Variants in SPAG16 observed in about 807,000 individuals in gnomAD.
SPAG16 encodes sperm-associated antigen 16 protein.
A neutral mutation model predicts 80.4 loss-of-function variants in SPAG16; 86 were observed. The observed-to-expected ratio is 1.07, with a 90% CI of 0.90 to 1.28. The LOEUF (loss-of-function observed/expected upper bound fraction) is 1.28, where lower values mean the gene tolerates loss of function less well. Ranked by LOEUF, SPAG16 falls within the 50% of genes most tolerant of loss-of-function variation. SPAG16 has a pLI of 0.00. For missense variants in SPAG16, 870 were observed against 765.3 expected (o/e 1.14, Z -1.61); for synonymous variants, 294 against 265.9 (o/e 1.11, Z -1.03).
At chr2:214,319,225 A>ACACACACACACACACACACAC (rs1189650614) in intron 15 of SPAG16, among the ~76,000 whole-genome samples, 2,440 of 20,110 alleles carry the variant, frequency 0.12, 84 homozygotes, top group African/African-American at 0.19. Context: ...CACACACACA[A>ACACACACACACACACACACAC]GAAGTGTAGA....
intron 9 of SPAG16, among the ~76,000 whole-genome samples, chr2:213,468,573 CTA>C (rs1194392827): frequency 7.6e-6 from 1 of 131,074 alleles, no homozygotes; most frequent in Non-Finnish European, 1.6e-5. Flanking sequence ...ATATATATAT[CTA>C]TGTATTTATA....
At chr2:213,471,862 T>C (rs13017200) in intron 9 of SPAG16, among the ~76,000 whole-genome samples, 8 of 152,182 alleles carry the variant, frequency 5.3e-5, no homozygotes. Flanking sequence ...TTCTTGGTTG[T>C]AGGTGGGGTC....
At chr2:213,307,930 C>G (rs892569883) in intron 3 of SPAG16, among the ~76,000 whole-genome samples, 1 of 152,158 alleles carries the variant, frequency 6.6e-6, no homozygotes, top group African/African-American at 2.4e-5. Context: ...ATCCTCTTTC[C>G]TCATTGGATT....
chr2:213,465,216 A>G (rs1380326065), intron 9 of SPAG16, among the ~76,000 whole-genome samples: 3 of 152,168 alleles, frequency 2.0e-5, no homozygotes, highest in African/African-American at 4.8e-5. Flanking sequence ...GGCATCGAGG[A>G]TTGCAAAAGC....
intron 6 of SPAG16, among the ~76,000 whole-genome samples, chr2:213,343,829 G>A (rs576949685): frequency 8.5e-5 from 13 of 152,112 alleles, no homozygotes; most frequent in African/African-American, 2.6e-4. Context: ...AATGAGCAGG[G>A]ACTCAAAGAA....
chr2:214,186,299 T>G (rs2057470891), intron 15 of SPAG16, among the ~76,000 whole-genome samples: 1 of 152,098 alleles, frequency 6.6e-6, no homozygotes, highest in East Asian at 1.9e-4. Flanking sequence ...CCTCTGAAGT[T>G]AAAATGCATG....
At chr2:214,348,727 A>G (rs997619472) in intron 15 of SPAG16, among the ~76,000 whole-genome samples, 5 of 152,162 alleles carry the variant, frequency 3.3e-5, no homozygotes, top group Non-Finnish European at 5.9e-5. Flanking sequence ...ATCTCCCAGC[A>G]TATACCACCA....
At chr2:213,848,801 T>C (rs1391298667) in intron 10 of SPAG16, among the ~76,000 whole-genome samples, 3 of 152,156 alleles carry the variant, frequency 2.0e-5, no homozygotes, top group African/African-American at 7.2e-5. Flanking sequence ...TTACATATAG[T>C]GAGTGCCAAA....
Position 213,284,532 on chromosome 2 carries a change from G to A in SPAG16, c.49G>A (p.Glu17Lys). 1.3e-6 allele frequency: 2 copies of A among 1,599,246 alleles called. No homozygotes were observed. The highest frequency in any genetic ancestry group is 2.3e-5 in the South Asian group (2 of 88,644). The change falls in exon 1 of 16, where the codon GAG (glutamate) becomes AAG (lysine). Residue 17 changes from glutamate (E) to lysine (K), a missense_variant. Coordinates refer to ENST00000331683, the MANE Select transcript of SPAG16 (RefSeq NM_024532.5). ...CAGCTCCGCCGTGAGGGTCCTGGAA[G>A]AGGCGTTGGGCATGGGTTTGACGGC... is the stretch of plus-strand genomic sequence containing the variant. ...MPSSAVRVLE[E>K]ALGMGLTAAG... is the part of the protein sequence containing the mutation.
Position 214,347,907 on chromosome 2 carries a change from A to G in SPAG16, c.1721-62233A>G, listed in dbSNP as rs531714111. Among the ~76,000 whole-genome samples the G allele has an allele frequency of 4.6e-5, 7 of 152,338 alleles. No homozygotes were observed. In the East Asian group the frequency reaches 1.4e-3, roughly 29 times the overall value. ...CCATGGAAAAATTAGGACTCCAAGGAAAGCATCAAGACCTCAGAGGACAGA... is the reference window on the plus strand; with the variant it reads ...CCATGGAAAAATTAGGACTCCAAGGGAAGCATCAAGACCTCAGAGGACAGA... On this transcript the variant is annotated intron_variant, in intron 15 of 15. Transcript: ENST00000331683.
intron 15 of SPAG16, among the ~76,000 whole-genome samples, chr2:214,200,284 T>G (rs2125717324): frequency 6.6e-6 from 1 of 152,270 alleles, no homozygotes; most frequent in Middle Eastern, 3.4e-3. Flanking sequence ...TCGTTGAGGG[T>G]TTTGATCATA....
At chr2:213,951,220 G>A (rs907151214) in intron 12 of SPAG16, among the ~76,000 whole-genome samples, 7 of 151,866 alleles carry the variant, frequency 4.6e-5, no homozygotes, top group Admixed American at 3.3e-4. Context: ...AGGAAATTGA[G>A]GAAAATTTTA....
Position 214,383,850 on chromosome 2 carries a change from A to G in SPAG16, c.1721-26290A>G, listed in dbSNP as rs561629121. On this transcript the variant is annotated intron_variant, in intron 15 of 15. Transcript: ENST00000331683. ...AAAACTCATTCTGGCTATTGTATAC[A>G]TTATTGTTCAGAAAAAGATAAGTTT... is the stretch of plus-strand genomic sequence containing the variant. 2.6e-5 allele frequency among the ~76,000 whole-genome samples: 4 copies of G among 152,330 alleles called. 1 individual carries two copies. The highest frequency in any genetic ancestry group is 9.6e-5 in the African/African-American group (4 of 41,582).
chr2:213,393,807 A>G (rs1347319373), intron 9 of SPAG16, among the ~76,000 whole-genome samples: 1 of 152,130 alleles, frequency 6.6e-6, no homozygotes, highest in Non-Finnish European at 1.5e-5. Flanking sequence ...CAAATGAAAT[A>G]TGTCGCCTCA....
At chr2:214,327,524 T>A (rs796385324) in intron 15 of SPAG16, among the ~76,000 whole-genome samples, 24 of 152,316 alleles carry the variant, frequency 1.6e-4, no homozygotes, top group African/African-American at 5.8e-4. Context: ...TTGATCAGCA[T>A]TTGTTGAGTG....
At chr2:213,956,408 G>T (rs2044138244) in intron 12 of SPAG16, among the ~76,000 whole-genome samples, 1 of 150,362 alleles carries the variant, frequency 6.7e-6, no homozygotes, top group East Asian at 1.9e-4. Flanking sequence ...TTAAGTAAAG[G>T]CAGGTTGATG....
chr2:213,930,832 T>C (rs1390349029), intron 12 of SPAG16, among the ~76,000 whole-genome samples: 2 of 152,232 alleles, frequency 1.3e-5, no homozygotes, highest in African/African-American at 2.4e-5. Flanking sequence ...TCAAATATGC[T>C]AATTCCTTCA....
At chr2:213,594,203 T>C (rs1274332686) in intron 10 of SPAG16, among the ~76,000 whole-genome samples, 1 of 152,190 alleles carries the variant, frequency 6.6e-6, no homozygotes, top group Non-Finnish European at 1.5e-5. Flanking sequence ...TAGCACAGAT[T>C]TTAGGAGTCT....
chr2:213,634,079 G>A (rs1375826736), intron 10 of SPAG16, among the ~76,000 whole-genome samples: 1 of 151,894 alleles, frequency 6.6e-6, no homozygotes, highest in Non-Finnish European at 1.5e-5. Flanking sequence ...TTGTTTTTGG[G>A]TTGTTTTGTG....
Sources: gnomAD v4.1 joint callset for allele counts (sites outside exome capture counted in the v4.1 genomes callset) on GRCh38, gnomAD v4.1.1 for gene constraint, MANE v1.5 for transcripts, NCBI Gene and HGNC (gene_info 2026-07-23, HGNC 2026-07-21) for gene names.